Variants in ATRIP observed in about 807,000 individuals in gnomAD.
ATRIP encodes the protein ATR interacting protein.
In ATRIP, 44 loss-of-function variants were observed where a neutral mutation model predicts 78.1. The ratio of observed to expected loss-of-function variants is 0.56; its 90% confidence interval spans 0.44 to 0.72. ATRIP has a LOEUF of 0.72. Ranked by LOEUF, ATRIP falls within the 30% of genes least tolerant of loss-of-function variation. The probability of loss-of-function intolerance (pLI) is 0.00; values close to 1 mark genes in which losing one functional copy is unlikely to be tolerated. For synonymous variants in ATRIP, 388 were observed against 408.9 expected (o/e 0.95, Z 0.62); for missense variants, 927 against 980.2 (o/e 0.95, Z 0.72).
In ATRIP at chr3:48,460,572, T is replaced by A. The variant is rs1230150811; in HGVS notation, c.1518T>A (p.Ala506=). The change falls in exon 8 of 13, where the codon GCT becomes GCA. Residue 506 remains alanine, a synonymous_variant. Transcript: ENST00000320211. ...LLSGVGADSA[A]GEGNRSLVHR... ...CAGGAGTGGGGGCAGATTCTGCTGC[T>A]GGGGAAGGAAACAGGAGCCTGGTTC... 6.2e-7 allele frequency: 1 copy of A among 1,614,172 alleles called. No homozygotes were observed. The highest frequency in any genetic ancestry group is 8.5e-7 in the Non-Finnish European group (1 of 1,180,032).
At chr3:48,458,323 G>GTTTTTTT (rs11398200) in intron 5 of ATRIP, among the ~76,000 whole-genome samples, 1 of 139,232 alleles carries the variant, frequency 7.2e-6, no homozygotes, top group Non-Finnish European at 1.5e-5. Context: ...TTCTTTTCTT[G>GTTTTTTT]TTTTTTTTTT....
chr3:48,467,250 G>A lies in ATRIP; in HGVS notation c.*1696G>A. On this transcript the variant is annotated 3_prime_UTR_variant, in exon 13 of 13. Transcript: ENST00000320211. ...CCCTCCAGACTCGCACACGGCTGAG[G>A]GTGATGTCCTGGCCCTGCTCAGCAT... 9 of 1,614,146 alleles carry A rather than the reference G, an allele frequency of 5.6e-6. No homozygotes were observed. Among genetic ancestry groups the A allele is most frequent in the Non-Finnish European group, 7.6e-6 (9 of 1,180,038 alleles).
In ATRIP at chr3:48,454,370, C is replaced by T. The variant is rs745630672; in HGVS notation, c.623C>T (p.Thr208Ile). The change falls in exon 4 of 13, where the codon ACC becomes ATC. Residue 208 changes from threonine to isoleucine, a missense_variant. Thr to Ile is a moderately conservative substitution (Grantham distance 89). Transcript: ENST00000320211. ...EMNELRTKLQ[T>I]SERANKLAAP... ...AATGAATTAAGGACAAAGCTCCAGA[C>T]CAGTGAACGAGCAAATAAACTGGCT... 18 of 1,613,766 alleles carry T rather than the reference C, an allele frequency of 1.1e-5. No individual in the cohort carries two copies. Among genetic ancestry groups the T allele is most frequent in the Non-Finnish European group, 1.5e-5 (18 of 1,179,788 alleles).
At position 48,446,795 on chromosome 3, in the gene ATRIP, G is replaced by A. The variant is rs2039682924; in HGVS notation, c.-51G>A. 2.2e-6 allele frequency: 3 copies of A among 1,357,442 alleles called. No homozygotes were observed. Among genetic ancestry groups the A allele is most frequent in the South Asian group, 4.6e-5 (2 of 43,830 alleles). 84.1% of individuals were successfully genotyped at this position (1,357,442 alleles called of 1,614,324 possible). On this transcript the variant is annotated 5_prime_UTR_variant, in exon 1 of 13. Transcript: ENST00000320211. ...GGTTGGTCCAGTTCTCCGGCCTGGCGGCAGGCAAGTCTAGCTCGGCGCTGT... is the reference window on the plus strand; with the variant it reads ...GGTTGGTCCAGTTCTCCGGCCTGGCAGCAGGCAAGTCTAGCTCGGCGCTGT...
In ATRIP at chr3:48,465,478, T is replaced by C; in HGVS notation, c.2309-9T>C. 1.2e-6 allele frequency: 2 copies of C among 1,613,556 alleles called. No individual in the cohort carries two copies. Among genetic ancestry groups the C allele is most frequent in the Non-Finnish European group, 1.7e-6 (2 of 1,179,664 alleles). On this transcript the variant is annotated splice_polypyrimidine_tract_variant and intron_variant, in intron 12 of 12. Transcript: ENST00000320211. ...GGCCCTCACCAGGAACCTCTCCTTT[T>C]TGTCTCAGAGGCAGCCCTGGATGAC...
Position 48,454,370 on chromosome 3 carries a change from C to A in ATRIP, c.623C>A (p.Thr208Asn). ...AATGAATTAAGGACAAAGCTCCAGACCAGTGAACGAGCAAATAAACTGGCT... is the reference window on the plus strand; with the variant it reads ...AATGAATTAAGGACAAAGCTCCAGAACAGTGAACGAGCAAATAAACTGGCT... ...EMNELRTKLQ[T>N]SERANKLAAP... Residue 208 changes from threonine (T) to asparagine (N), a missense_variant, in exon 4 of 13, where the codon ACC (threonine) becomes AAC (asparagine). By Grantham distance (65) the Thr-to-Asn change is moderately conservative (BLOSUM62 0). Coordinates refer to ENST00000320211, the MANE Select transcript of ATRIP (RefSeq NM_130384.3). 1 of 1,613,766 alleles carries A rather than the reference C, an allele frequency of 6.2e-7. No individual in the cohort carries two copies. The highest frequency in any genetic ancestry group is 8.5e-7 in the Non-Finnish European group (1 of 1,179,788).
chr3:48,466,980 C>T lies in ATRIP; in HGVS notation c.*1426C>T. 1 of 1,612,984 alleles carries T rather than the reference C, an allele frequency of 6.2e-7. No homozygotes were observed. Among genetic ancestry groups the T allele is most frequent in the African/African-American group, 1.3e-5 (1 of 75,064 alleles). ...TGATGACAACCTGGCCAACCTGCTCCTAGCCTTCCTGCGGCGCCAGCCACA... is the reference window on the plus strand; with the variant it reads ...TGATGACAACCTGGCCAACCTGCTCTTAGCCTTCCTGCGGCGCCAGCCACA... On this transcript the variant is annotated 3_prime_UTR_variant, in exon 13 of 13. Coordinates refer to ENST00000320211, the MANE Select transcript of ATRIP (RefSeq NM_130384.3).
intron 8 of ATRIP, among the ~76,000 whole-genome samples, chr3:48,462,531 G>A (rs941561240): frequency 3.3e-5 from 5 of 152,026 alleles, no homozygotes; most frequent in African/African-American, 9.7e-5. Flanking sequence ...GTGAAACCCC[G>A]TCTCTACTAA....
chr3:48,451,964 C>A, intron 3 of ATRIP, 65 bp downstream of exon 3: 1 of 1,451,916 alleles, frequency 6.9e-7, no homozygotes, highest in Non-Finnish European at 9.3e-7. Context: ...ACCAGGGTTG[C>A]CTGTAAATCT....
chr3:48,466,949 A>G lies in ATRIP; in HGVS notation c.*1395A>G, dbSNP rs2040339926. ...CTGTGCTGGCAGCGCATGGGCGTCA[A>G]TGTTTTGATGACAACCTGGCCAACC... On this transcript the variant is annotated 3_prime_UTR_variant, in exon 13 of 13. Coordinates refer to ENST00000320211, the MANE Select transcript of ATRIP (RefSeq NM_130384.3). 6.8e-6 allele frequency: 11 copies of G among 1,611,886 alleles called. No homozygotes were observed. In the Middle Eastern group the frequency reaches 6.6e-4, roughly 96 times the overall value.
chr3:48,460,985 T>G (rs965789153), intron 8 of ATRIP, among the ~76,000 whole-genome samples, 186 bp downstream of exon 8: 4 of 152,206 alleles, frequency 2.6e-5, no homozygotes, highest in African/African-American at 9.6e-5. Context: ...AAGTGGTTTA[T>G]TTGATTTAAT....
At chr3:48,450,488 A>T in intron 2 of ATRIP, 1 of 1,290,528 alleles carries the variant, frequency 7.7e-7, no homozygotes, top group Non-Finnish European at 1.0e-6. Flanking sequence ...TATTTTCATT[A>T]GCAGCTTTGC....
chr3:48,466,176 G>C lies in ATRIP; in HGVS notation c.*622G>C, dbSNP rs3135940. The C allele has an allele frequency of 2.0e-6, 1 of 508,390 alleles. No individual in the cohort carries two copies. The highest frequency in any genetic ancestry group is 3.6e-6 in the Non-Finnish European group (1 of 277,014). 31.5% of individuals were successfully genotyped at this position (508,390 alleles called of 1,614,324 possible). A position where few individuals can be genotyped will look rare whatever the true frequency, so the allele number is the denominator to read the frequency against. On this transcript the variant is annotated 3_prime_UTR_variant, in exon 13 of 13. Transcript: ENST00000320211. Reference sequence around the variant, plus strand: ...AGAGGGACAGACCAGGCAGGCTGACGAGCAGGGCGGGCCTGGCTCACGTGG... The same window carrying C: ...AGAGGGACAGACCAGGCAGGCTGACCAGCAGGGCGGGCCTGGCTCACGTGG...
chr3:48,450,136 T>C lies in ATRIP; in HGVS notation c.347T>C (p.Val116Ala), dbSNP rs998056753. 8 of 1,612,646 alleles carry C rather than the reference T, an allele frequency of 5.0e-6. No individual in the cohort carries two copies. Among genetic ancestry groups the C allele is most frequent in the Non-Finnish European group, 6.8e-6 (8 of 1,179,538 alleles). ...VPIKDNFELE[V>A]LQAQYKELKE... Reference sequence around the variant, plus strand: ...ATTAAAGATAATTTCGAATTAGAGGTACTTCAGGCACAATACAAAGAACTT... The same window carrying C: ...ATTAAAGATAATTTCGAATTAGAGGCACTTCAGGCACAATACAAAGAACTT... Residue 116 changes from valine to alanine, a missense_variant, in exon 2 of 13, where the codon GTA (valine) becomes GCA (alanine). Transcript: ENST00000320211.
At chr3:48,450,568 T>G (rs962315824) in intron 2 of ATRIP, 1 of 1,281,120 alleles carries the variant, frequency 7.8e-7, no homozygotes, top group South Asian at 1.3e-5. Context: ...GAATTTTAGT[T>G]GTGCAAGGTA....
At position 48,460,334 on chromosome 3, in the gene ATRIP, T is replaced by G; in HGVS notation, c.1280T>G (p.Ile427Ser). 3.1e-6 allele frequency: 5 copies of G among 1,613,544 alleles called. No individual in the cohort carries two copies. Among genetic ancestry groups the G allele is most frequent in the Middle Eastern group, 1.7e-4 (1 of 6,060 alleles). Residue 427 changes from isoleucine (I) to serine (S), a missense_variant, in exon 8 of 13, where the codon ATC becomes AGC. By Grantham distance (142) the Ile-to-Ser change is moderately radical (BLOSUM62 -2). Coordinates refer to ENST00000320211, the MANE Select transcript of ATRIP (RefSeq NM_130384.3). ...VHFLPLVQFF[I>S]GLHCQALQDL... ...TTCCTCCCCCTTGTACAGTTCTTCA[T>G]CGGCTTACACTGCCAGGCCCTGCAG...
intron 6 of ATRIP, 88 bp downstream of exon 6, chr3:48,459,542 C>A: frequency 7.4e-7 from 1 of 1,350,102 alleles, no homozygotes; most frequent in Non-Finnish European, 1.1e-6. Flanking sequence ...GAACCGGTGC[C>A]CCGGGCAGTC....
chr3:48,460,935 C>A, intron 8 of ATRIP, 136 bp downstream of exon 8: 2 of 880,938 alleles, frequency 2.3e-6, no homozygotes, highest in Non-Finnish European at 3.3e-6. Flanking sequence ...TCAGGGAGTT[C>A]TGAAGTGATG....
Position 48,465,491 on chromosome 3 carries a change from A to G in ATRIP, c.2313A>G (p.Ala771=). 6.2e-7 allele frequency: 1 copy of G among 1,613,872 alleles called. No individual in the cohort carries two copies. The highest frequency in any genetic ancestry group is 1.1e-5 in the South Asian group (1 of 91,070). Residue 771 remains alanine (A), a synonymous_variant, in exon 13 of 13, where the codon GCA becomes GCG. Transcript: ENST00000320211. ...AACCTCTCCTTTTTGTCTCAGAGGC[A>G]GCCCTGGATGACCTCTGTGCCGCGG... ...GLPDVTDCEE[A]ALDDLCAAET... is the part of the protein sequence containing the mutation.
Sources: gnomAD v4.1 joint callset for allele counts (sites outside exome capture counted in the v4.1 genomes callset) on GRCh38, gnomAD v4.1.1 for gene constraint, MANE v1.5 for transcripts, NCBI Gene and HGNC (gene_info 2026-07-23, HGNC 2026-07-21) for gene names.